The following ROBO2 variants were observed in gnomAD, a reference collection of about 807,000 sequenced individuals.
ROBO2 encodes roundabout guidance receptor 2.
ROBO2 carries 53 observed loss-of-function variants against 160.8 expected under a neutral mutation model. That is an observed-to-expected ratio of 0.33 (90% CI 0.26 to 0.41). The LOEUF is 0.41. ROBO2 is among the 10% of genes least tolerant of loss of function. The pLI is 1.00. For synonymous variants in ROBO2, 664 were observed against 611.7 expected, an observed-to-expected ratio of 1.09 and a Z score of -1.26; for missense variants, 1,577 against 1,722.4, an observed-to-expected ratio of 0.92 and a Z score of 1.49.
At chr3:76,698,131 G>C (rs1237380762) in intron 2 of ROBO2, among the ~76,000 whole-genome samples, 2 of 152,092 alleles carry the variant, frequency 1.3e-5, no homozygotes, top group East Asian at 3.9e-4. Context: ...TCACTGGTTA[G>C]GCTTTTTCCA....
chr3:76,744,045 A>G (rs980095017), intron 2 of ROBO2, among the ~76,000 whole-genome samples: 2 of 152,316 alleles, frequency 1.3e-5, no homozygotes, highest in South Asian at 4.1e-4. Context: ...GACTTCACAT[A>G]CAACAATATG....
At chr3:77,545,995 A>T (rs916464768) in intron 6 of ROBO2, among the ~76,000 whole-genome samples, 6 of 152,074 alleles carry the variant, frequency 3.9e-5, no homozygotes, top group African/African-American at 1.4e-4. Context: ...TTCTTTTCTT[A>T]TCTTTATTTA....
intron 2 of ROBO2, among the ~76,000 whole-genome samples, chr3:76,150,370 CTGTCTAAAGCACACCTTTT>C (rs2072131631): frequency 6.9e-6 from 1 of 144,082 alleles, no homozygotes; most frequent in South Asian, 2.2e-4. Flanking sequence ...AAACACACAT[CTGTCTAAAGCACACCTTTT>C]TAAAACACAC....
intron 2 of ROBO2, among the ~76,000 whole-genome samples, chr3:76,834,108 T>TTCTTTCTTTC (rs2067413790): frequency 6.8e-6 from 1 of 147,976 alleles, no homozygotes. Flanking sequence ...CTTTCTTTCT[T>TTCTTTCTTTC]TCTTTCTCTC....
intron 2 of ROBO2, among the ~76,000 whole-genome samples, chr3:76,418,568 T>C (rs963260737): frequency 1.6e-4 from 24 of 152,292 alleles, no homozygotes; most frequent in African/African-American, 5.5e-4. Context: ...TTTTGTTCTG[T>C]GTTGGCCCAA....
chr3:76,525,868 C>T (rs534493389), intron 2 of ROBO2, among the ~76,000 whole-genome samples: 1 of 152,022 alleles, frequency 6.6e-6, no homozygotes, highest in South Asian at 2.1e-4. Flanking sequence ...ATAAAGTAGA[C>T]ACTTTACCGC....
At chr3:77,387,434 G>A (rs147727444) in intron 2 of ROBO2, among the ~76,000 whole-genome samples, 58 of 152,130 alleles carry the variant, frequency 3.8e-4, no homozygotes, top group African/African-American at 1.4e-3. Context: ...CAAGCACCAT[G>A]TTGGGTCCAG....
At chr3:75,970,286 G>A (rs115379714) in intron 2 of ROBO2, among the ~76,000 whole-genome samples, 1,952 of 151,466 alleles carry the variant, frequency 0.013, 31 homozygotes, top group African/African-American at 0.044. Flanking sequence ...TATACAGTTC[G>A]CAAGATTAAA....
At chr3:76,190,063 C>T (rs563903892) in intron 2 of ROBO2, among the ~76,000 whole-genome samples, 99 of 152,154 alleles carry the variant, frequency 6.5e-4, no homozygotes, top group African/African-American at 2.2e-3. Flanking sequence ...ATGCTATTTT[C>T]TATAAAAGCA....
chr3:77,029,703 A>G, intron 2 of ROBO2, among the ~76,000 whole-genome samples: 1 of 152,328 alleles, frequency 6.6e-6, no homozygotes, highest in South Asian at 2.1e-4. Context: ...AAATTTTGAT[A>G]TGATCCTTAT....
At chr3:77,074,510 CTA>C in intron 1 of ROBO2, among the ~76,000 whole-genome samples, 1 of 152,262 alleles carries the variant, frequency 6.6e-6, no homozygotes, top group South Asian at 2.1e-4. Flanking sequence ...ATTAGGGAAT[CTA>C]TTAGTTCACC....
intron 2 of ROBO2, among the ~76,000 whole-genome samples, chr3:76,522,045 A>C: frequency 6.6e-6 from 1 of 152,172 alleles, no homozygotes; most frequent in Admixed American, 6.6e-5. Context: ...CCTTCATCTA[A>C]ATTAAAGAAA....
intron 2 of ROBO2, among the ~76,000 whole-genome samples, chr3:76,456,916 C>G (rs939972304): frequency 6.6e-6 from 1 of 152,134 alleles, no homozygotes; most frequent in Non-Finnish European, 1.5e-5. Flanking sequence ...GTGAGACTTA[C>G]TCACTATCAC....
chr3:77,492,365 TC>T (rs1259766495), intron 4 of ROBO2, among the ~76,000 whole-genome samples: 1 of 152,186 alleles, frequency 6.6e-6, no homozygotes, highest in African/African-American at 2.4e-5. Context: ...TTGATTTGTA[TC>T]CTCAGAGGCT....
At chr3:76,624,602 C>T (rs1314110840) in intron 2 of ROBO2, among the ~76,000 whole-genome samples, 1 of 151,598 alleles carries the variant, frequency 6.6e-6, no homozygotes, top group Non-Finnish European at 1.5e-5. Flanking sequence ...AGTTTGCCAC[C>T]AGCCTGGCCA....
At chr3:77,031,159 C>T (rs2063297551) in intron 2 of ROBO2, among the ~76,000 whole-genome samples, 1 of 152,012 alleles carries the variant, frequency 6.6e-6, no homozygotes, top group Admixed American at 6.6e-5. Context: ...CATATTCTGC[C>T]TTTTCATTTG....
At chr3:77,534,742 G>T (rs901140062) in intron 6 of ROBO2, among the ~76,000 whole-genome samples, 1 of 152,058 alleles carries the variant, frequency 6.6e-6, no homozygotes, top group Non-Finnish European at 1.5e-5. Flanking sequence ...CTTATGGCAA[G>T]TATTGCTTTC....
chr3:76,317,244 A>G (rs562061637), intron 2 of ROBO2, among the ~76,000 whole-genome samples: 1 of 152,242 alleles, frequency 6.6e-6, no homozygotes, highest in Non-Finnish European at 1.5e-5. Context: ...GACTGGTAAT[A>G]CAATATTCTG....
rs571539480 is a variant in ROBO2, at chr3:77,265,533, C to T, written c.388+167193C>T. 2.6e-5 allele frequency among the ~76,000 whole-genome samples: 4 copies of T among 152,112 alleles called. No homozygotes were observed. In the South Asian group the frequency reaches 8.3e-4, roughly 32 times the overall value. Reference sequence around the variant, plus strand: ...AATGAAATGAAAATAATAAATAAAGCCCTCTTCCATTTCCATTATTCTAAG... The same window carrying T: ...AATGAAATGAAAATAATAAATAAAGTCCTCTTCCATTTCCATTATTCTAAG... On this transcript the variant is annotated intron_variant, in intron 2 of 25. Transcript: ENST00000461745.
Sources: gnomAD v4.1 joint callset for allele counts (sites outside exome capture counted in the v4.1 genomes callset) on GRCh38, gnomAD v4.1.1 for gene constraint, MANE v1.5 for transcripts, NCBI Gene and HGNC (gene_info 2026-07-23, HGNC 2026-07-21) for gene names.